Variants in TSC22D1 observed in about 807,000 individuals in gnomAD.
TSC22D1 encodes the protein TSC22 domain family protein 1.
TSC22D1 carries 9 observed loss-of-function variants against 74.2 expected under a neutral mutation model. The observed-to-expected ratio is 0.12, with a 90% CI of 0.07 to 0.21. TSC22D1 has a LOEUF of 0.21. Among genes scored for constraint, TSC22D1 ranks in the 10% least tolerant of loss-of-function variants. The probability of loss-of-function intolerance (pLI) is 1.00; values close to 1 mark genes in which losing one functional copy is unlikely to be tolerated. For missense variants in TSC22D1, 1,427 were observed against 1,304.7 expected (o/e 1.09, Z -1.44); for synonymous variants, 586 against 492.5 (o/e 1.19, Z -2.51).
intron 1 of TSC22D1, among the ~76,000 whole-genome samples, chr13:44,469,565 T>C (rs992751598): frequency 6.6e-6 from 1 of 152,166 alleles, no homozygotes; most frequent in Non-Finnish European, 1.5e-5. Flanking sequence ...GTCCAATTAC[T>C]CAAAAACTCT....
rs1395138737 is a variant in TSC22D1 at position 44,520,416 on chromosome 13, G to C, written c.2912+52747C>G. On this transcript the variant is annotated intron_variant, in intron 1 of 2. Transcript: ENST00000458659. ...ATAACCTCAATAGTATTATTTCAGT[G>C]AGGTTATCAGAGGTGGAAGCAAGAT... Among the ~76,000 whole-genome samples the C allele has an allele frequency of 2.6e-5, 4 of 152,224 alleles. No individual in the cohort carries two copies. The East Asian group carries it at 5.8e-4, about 22-fold the overall frequency.
rs776184485 is a variant in TSC22D1 at position 44,574,279 on chromosome 13, C to G, written c.1796G>C (p.Ser599Thr). 1 of 1,614,178 alleles carries G rather than the reference C, an allele frequency of 6.2e-7. No homozygotes were observed. Among genetic ancestry groups the G allele is most frequent in the Non-Finnish European group, 8.5e-7 (1 of 1,180,032 alleles). Residue 599 changes from serine to threonine, a missense_variant, in exon 1 of 3, where the codon AGT (serine) becomes ACT (threonine). This residue lies in a region of TSC22D1 where 1,343 missense variants were observed against 1,191.5 expected (regional missense o/e 1.13). Transcript: ENST00000458659. ...ATATGGTAGCTGGGGTTGAGCCAAA[C>G]TGGAAATGGAAGGCTGCTGACCTAA... is the stretch of plus-strand genomic sequence containing the variant. ...SALGQQPSIS[S>T]LAQPQLPYSQ...
intron 1 of TSC22D1, among the ~76,000 whole-genome samples, chr13:44,510,318 C>G (rs1012039792): frequency 6.6e-6 from 1 of 151,382 alleles, no homozygotes; most frequent in Non-Finnish European, 1.5e-5. Flanking sequence ...CTTGAACCTG[C>G]GAGGCGGGGG....
intron 1 of TSC22D1, among the ~76,000 whole-genome samples, chr13:44,450,969 AC>A (rs990813379): frequency 3.3e-5 from 5 of 152,162 alleles, no homozygotes; most frequent in African/African-American, 9.7e-5. Flanking sequence ...AGTGGACACT[AC>A]AGAAGGTGGC....
intron 1 of TSC22D1, among the ~76,000 whole-genome samples, chr13:44,483,442 A>T (rs1878275544): frequency 6.6e-6 from 1 of 152,202 alleles, no homozygotes; most frequent in Non-Finnish European, 1.5e-5. Flanking sequence ...CAGACGGATC[A>T]TGAGGTCAGG....
intron 1 of TSC22D1, among the ~76,000 whole-genome samples, chr13:44,547,671 C>G (rs4942340): frequency 0.73 from 110,679 of 152,040 alleles, 42,070 homozygotes; most frequent in Middle Eastern, 0.88. Context: ...GAGATAAACT[C>G]CAATGTATTA....
At chr13:44,440,354 G>A (rs560709102) in intron 1 of TSC22D1, among the ~76,000 whole-genome samples, 4 of 152,220 alleles carry the variant, frequency 2.6e-5, no homozygotes, top group Admixed American at 6.5e-5. Flanking sequence ...TGAGATGGGC[G>A]GATCACTTGA....
intron 1 of TSC22D1, among the ~76,000 whole-genome samples, chr13:44,523,752 G>A (rs553862779): frequency 2.9e-4 from 44 of 152,282 alleles, no homozygotes; most frequent in African/African-American, 1.0e-3. Flanking sequence ...TTGAGAGATT[G>A]TAACAATATA....
In TSC22D1 at chr13:44,574,546, G is replaced by A. The variant is rs770919107; in HGVS notation, c.1529C>T (p.Pro510Leu). The change falls in exon 1 of 3, where the codon CCA (proline) becomes CTA (leucine). Residue 510 changes from proline to leucine, a missense_variant. Physicochemically the swap from Pro to Leu is moderately conservative, Grantham distance 98. This residue lies in a region of TSC22D1 where 1,343 missense variants were observed against 1,191.5 expected (regional missense o/e 1.13). Transcript: ENST00000458659. Reference sequence around the variant, plus strand: ...TTGGAGGGTCACACCTTGGAGAGCTGGTTGTTGCTGTTGTTGTTGTTGTTG... The same window carrying A: ...TTGGAGGGTCACACCTTGGAGAGCTAGTTGTTGCTGTTGTTGTTGTTGTTG... ...QQQQQQQQQQ[P>L]ALQGVTLQQM... The A allele has an allele frequency of 6.8e-6, 11 of 1,613,852 alleles. No individual in the cohort carries two copies. Among genetic ancestry groups the A allele is most frequent in the East Asian group, 2.2e-5 (1 of 44,898 alleles).
intron 1 of TSC22D1, chr13:44,516,192 C>G: frequency 3.7e-6 from 1 of 269,028 alleles, no homozygotes; most frequent in South Asian, 4.8e-5. Context: ...AACTTTAGCA[C>G]CTATGCTACT....
At chr13:44,474,380 C>T (rs779998727) in intron 1 of TSC22D1, 27 of 441,792 alleles carry the variant, frequency 6.1e-5, no homozygotes, top group Non-Finnish European at 8.1e-5. Flanking sequence ...GCAGTTTCTA[C>T]TTAAAGGGGC....
chr13:44,436,391 G>T, intron 1 of TSC22D1: 1 of 1,337,804 alleles, frequency 7.5e-7, no homozygotes, highest in Non-Finnish European at 1.0e-6. Context: ...CAACATCCAT[G>T]TCACCATAAT....
In TSC22D1 at chr13:44,568,532, TTGC is replaced by T. The variant is rs561142728; in HGVS notation, c.2912+4628_2912+4630del. ...ATATATATATAGTAGAGACAGGATC[TTGC>T]TATATTGCCCAAATTAATCTCAAAC... On this transcript the variant is annotated intron_variant, in intron 1 of 2. Transcript: ENST00000458659. Among the ~76,000 whole-genome samples the T allele has an allele frequency of 1.4e-4, 21 of 152,306 alleles. No homozygotes were observed. The East Asian group carries it at 3.9e-3, about 28-fold the overall frequency.
intron 1 of TSC22D1, among the ~76,000 whole-genome samples, chr13:44,517,582 C>A (rs1414582976): frequency 2.7e-5 from 4 of 150,880 alleles, no homozygotes; most frequent in African/African-American, 9.8e-5. Flanking sequence ...CGGTGGCTTG[C>A]GCCTATAATC....
rs1007199648 is a variant in TSC22D1 at position 44,433,716 on chromosome 13, C to G, written c.*910G>C. 4.4e-6 allele frequency: 2 copies of G among 453,028 alleles called. No individual in the cohort carries two copies. The highest frequency in any genetic ancestry group is 7.7e-6 in the Non-Finnish European group (2 of 259,762). 28.1% of individuals were successfully genotyped at this position (453,028 alleles called of 1,614,324 possible). A position where few individuals can be genotyped will look rare whatever the true frequency, so the allele number is the denominator to read the frequency against. On this transcript the variant is annotated 3_prime_UTR_variant, in exon 3 of 3. Coordinates refer to ENST00000458659, the MANE Select transcript of TSC22D1 (RefSeq NM_183422.4). ...CATTTTTCAAAGTATTCAACCAGCT[C>G]AATTGAAAGACTTCAGTGAACAAGG... is the stretch of plus-strand genomic sequence containing the variant.
At chr13:44,510,844 A>G (rs769144182) in intron 1 of TSC22D1, among the ~76,000 whole-genome samples, 1 of 152,144 alleles carries the variant, frequency 6.6e-6, no homozygotes, top group Non-Finnish European at 1.5e-5. Flanking sequence ...GATCTGCCCA[A>G]TTCAGCCTCC....
At chr13:44,436,912 G>A (rs1874716933) in intron 1 of TSC22D1, 3 of 1,070,298 alleles carry the variant, frequency 2.8e-6, no homozygotes, top group Non-Finnish European at 3.4e-6. Context: ...GCGCCGATTG[G>A]CCGGCACGCC....
chr13:44,558,365 C>A (rs1815372942), intron 1 of TSC22D1, among the ~76,000 whole-genome samples: 1 of 152,142 alleles, frequency 6.6e-6, no homozygotes, highest in African/African-American at 2.4e-5. Context: ...GTCATATAAT[C>A]CTCAGGTCTC....
intron 1 of TSC22D1, among the ~76,000 whole-genome samples, chr13:44,555,308 G>C (rs930854361): frequency 6.6e-6 from 1 of 151,376 alleles, no homozygotes; most frequent in African/African-American, 2.4e-5. Context: ...AACAACAAAA[G>C]ACTAATAAGA....
Sources: allele counts gnomAD v4.1 joint callset (sites outside exome capture counted in the v4.1 genomes callset), GRCh38; gene constraint gnomAD v4.1.1; regional missense constraint gnomAD v4.1.1; transcripts MANE v1.5; gene names NCBI Gene and HGNC (gene_info 2026-07-23, HGNC 2026-07-21).